Variants in SLC39A11 observed in about 807,000 individuals in gnomAD.
The protein encoded by SLC39A11 is solute carrier family 39 member 11.
In SLC39A11, 33 loss-of-function variants were observed where a neutral mutation model predicts 36.1. The ratio of observed to expected loss-of-function variants is 0.91; its 90% CI spans 0.69 to 1.22. The LOEUF (loss-of-function observed/expected upper bound fraction) is 1.22, where lower values mean the gene tolerates loss of function less well. SLC39A11 is among the 50% of genes most tolerant of loss of function. SLC39A11 has a pLI of 0.00. For synonymous variants in SLC39A11, 166 were observed against 170.3 expected (o/e 0.97, Z 0.20); for missense variants, 432 against 430.3 (o/e 1.00, Z -0.03).
chr17:72,881,675 C>A (rs1001275032), intron 5 of SLC39A11, among the ~76,000 whole-genome samples: 1 of 152,114 alleles, frequency 6.6e-6, no homozygotes, highest in Admixed American at 6.5e-5. Flanking sequence ...TTGCAAAATA[C>A]GACAAAATCT....
intron 5 of SLC39A11, among the ~76,000 whole-genome samples, chr17:72,940,151 T>G (rs985133541): frequency 6.6e-6 from 1 of 152,222 alleles, no homozygotes; most frequent in East Asian, 1.9e-4. Context: ...AGAAGTTAAC[T>G]GAGCCGACTG....
intron 4 of SLC39A11, among the ~76,000 whole-genome samples, chr17:73,000,710 T>G (rs532797951): frequency 2.0e-5 from 3 of 152,290 alleles, no homozygotes; most frequent in African/African-American, 7.2e-5. Flanking sequence ...TCATATATCA[T>G]ATCACAAGGT....
intron 7 of SLC39A11, among the ~76,000 whole-genome samples, chr17:72,704,866 T>G (rs1406436104): frequency 6.6e-6 from 1 of 152,148 alleles, no homozygotes; most frequent in East Asian, 1.9e-4. Context: ...GTGGCCCAAG[T>G]TGGTCTATTA....
intron 3 of SLC39A11, among the ~76,000 whole-genome samples, chr17:73,081,445 C>T (rs1421971671): frequency 6.6e-6 from 1 of 151,796 alleles, no homozygotes; most frequent in Admixed American, 6.6e-5. Context: ...GTAGATCTAC[C>T]ATTGGATCCA....
chr17:72,958,517 T>A (rs1327291131), intron 4 of SLC39A11, among the ~76,000 whole-genome samples: 2 of 151,650 alleles, frequency 1.3e-5, no homozygotes, highest in East Asian at 1.9e-4. Context: ...AAACAAACAA[T>A]CCCATCCAAA....
chr17:72,866,570 AAC>A (rs1370924296), intron 5 of SLC39A11, among the ~76,000 whole-genome samples: 3 of 152,120 alleles, frequency 2.0e-5, no homozygotes, highest in African/African-American at 7.2e-5. Flanking sequence ...CACACATACA[AAC>A]ACACACACAA....
intron 6 of SLC39A11, among the ~76,000 whole-genome samples, chr17:72,800,637 G>C (rs914601645): frequency 3.9e-5 from 6 of 152,134 alleles, no homozygotes; most frequent in African/African-American, 1.4e-4. Flanking sequence ...AAGCAGCCAA[G>C]AGACTTGGCG....
intron 4 of SLC39A11, among the ~76,000 whole-genome samples, chr17:73,009,187 C>T (rs1269561128): frequency 6.6e-6 from 1 of 151,210 alleles, no homozygotes; most frequent in Non-Finnish European, 1.5e-5. Flanking sequence ...CACGGTGAAA[C>T]CCTGTCTCTA....
At chr17:73,014,301 C>A (rs2090690776) in intron 4 of SLC39A11, among the ~76,000 whole-genome samples, 1 of 152,152 alleles carries the variant, frequency 6.6e-6, no homozygotes, top group African/African-American at 2.4e-5. Context: ...AGTTCTCACT[C>A]CCTATCCCGG....
At chr17:72,662,679 AG>A (rs1385744921) in intron 7 of SLC39A11, among the ~76,000 whole-genome samples, 1 of 150,572 alleles carries the variant, frequency 6.6e-6, no homozygotes, top group Non-Finnish European at 1.5e-5. Flanking sequence ...AAGGAAAAGA[AG>A]GAAAAGAAAA....
In SLC39A11 at chr17:72,647,592, G is replaced by T. The variant is rs139889412; in HGVS notation, c.1000C>A (p.Leu334Met). 6 of 1,613,692 alleles carry T rather than the reference G, an allele frequency of 3.7e-6. No individual in the cohort carries two copies. The highest frequency in any genetic ancestry group is 3.3e-5 in the Admixed American group (2 of 59,996). The change falls in exon 10 of 10, where the codon CTG becomes ATG. Residue 334 changes from leucine to methionine, a missense_variant. Transcript: ENST00000255559. ...TCCGAAGCGTCTCAGCCCTAGCCCA[G>T]GCCAACGTCCAGTGACATCATCACT... Reference protein sequence around the residue: ...FVVMMSLDVGLG With the variant: ...FVVMMSLDVGMG
intron 4 of SLC39A11, among the ~76,000 whole-genome samples, chr17:72,966,619 G>T (rs1274221915): frequency 6.6e-6 from 1 of 152,122 alleles, no homozygotes; most frequent in Non-Finnish European, 1.5e-5. Flanking sequence ...GCCCAGGCTG[G>T]AGTGCAGTGG....
chr17:72,907,882 G>T (rs570857176), intron 5 of SLC39A11, among the ~76,000 whole-genome samples: 2 of 152,232 alleles, frequency 1.3e-5, no homozygotes, highest in African/African-American at 2.4e-5. Context: ...AAAGCGGGGC[G>T]TAGGGGAGAA....
intron 5 of SLC39A11, among the ~76,000 whole-genome samples, chr17:72,859,103 C>A (rs971637393): frequency 6.6e-6 from 1 of 152,180 alleles, no homozygotes; most frequent in African/African-American, 2.4e-5. Flanking sequence ...TCCACCTTTT[C>A]CCCATTCAGC....
intron 7 of SLC39A11, among the ~76,000 whole-genome samples, chr17:72,675,407 C>T (rs1459538714): frequency 6.6e-6 from 1 of 152,244 alleles, no homozygotes; most frequent in Non-Finnish European, 1.5e-5. Context: ...GTCTCCAGAA[C>T]TGTCAGAAAT....
chr17:72,729,457 A>ATTTTTTT (rs55729197), intron 7 of SLC39A11, among the ~76,000 whole-genome samples: 8 of 7,238 alleles, frequency 1.1e-3, no homozygotes, highest in African/African-American at 1.7e-3. Flanking sequence ...ATATATATAT[A>ATTTTTTT]TTTTTTTTTT....
At chr17:72,975,699 G>T (rs1000241201) in intron 4 of SLC39A11, among the ~76,000 whole-genome samples, 5 of 152,116 alleles carry the variant, frequency 3.3e-5, no homozygotes, top group Non-Finnish European at 5.9e-5. Flanking sequence ...AAGACAGTAG[G>T]GTATCAGTTC....
chr17:72,960,439 C>T (rs1332077726), intron 4 of SLC39A11, among the ~76,000 whole-genome samples: 1 of 151,958 alleles, frequency 6.6e-6, no homozygotes, highest in East Asian at 1.9e-4. Context: ...AGATAAATAG[C>T]CTCTTGTAGT....
intron 7 of SLC39A11, among the ~76,000 whole-genome samples, chr17:72,719,885 G>A (rs1007845684): frequency 1.3e-5 from 2 of 152,286 alleles, no homozygotes; most frequent in African/African-American, 2.4e-5. Context: ...TGGAGGAGAC[G>A]CTGCTGCCCG....
Sources: gnomAD v4.1 joint callset for allele counts (sites outside exome capture counted in the v4.1 genomes callset) on GRCh38, gnomAD v4.1.1 for gene constraint, MANE v1.5 for transcripts, NCBI Gene and HGNC (gene_info 2026-07-23, HGNC 2026-07-21) for gene names.